EYS: variants seen among roughly 807,000 people sequenced by gnomAD.
EYS encodes the protein protein eyes shut homolog.
A neutral mutation model predicts 282.1 loss-of-function variants in EYS; 250 were observed. The ratio of observed to expected loss-of-function variants is 0.89; its 90% CI spans 0.80 to 0.98. The LOEUF is 0.98. Among genes scored for constraint, EYS ranks in the 50% least tolerant of loss-of-function variants. EYS has a pLI of 0.00. For missense variants in EYS, 4,016 were observed against 3,709.0 expected (o/e 1.08, Z -2.15); for synonymous variants, 1,355 against 1,282.9 (o/e 1.06, Z -1.20).
intron 26 of EYS, among the ~76,000 whole-genome samples, chr6:64,541,499 A>G (rs1486021080): frequency 6.6e-6 from 1 of 152,050 alleles, no homozygotes; most frequent in Non-Finnish European, 1.5e-5. Context: ...GCTCTTAACT[A>G]ATATTTCTGA....
In EYS at chr6:65,652,689, G is replaced by C. The variant is rs145492874; in HGVS notation, c.-447-12797C>G. Among the ~76,000 whole-genome samples the C allele has an allele frequency of 3.0e-3, 455 of 151,994 alleles. 3 individuals carry two copies. Among genetic ancestry groups the C allele is most frequent in the African/African-American group, 0.01 (435 of 41,512 alleles). Reference sequence around the variant, plus strand: ...ATCAGGAATGTAAAGACATACTAGGGAGAATATTGAACTTTCCCCTAAAAT... The same window carrying C: ...ATCAGGAATGTAAAGACATACTAGGCAGAATATTGAACTTTCCCCTAAAAT... On this transcript the variant is annotated intron_variant, in intron 1 of 42. Transcript: ENST00000503581.
intron 15 of EYS, among the ~76,000 whole-genome samples, chr6:64,928,039 A>G (rs1456027559): frequency 6.6e-6 from 1 of 152,070 alleles, no homozygotes; most frequent in Non-Finnish European, 1.5e-5. Flanking sequence ...TGGTAGTTAC[A>G]CAAGTAAGTG....
chr6:64,139,235 G>C (rs1422068269), intron 31 of EYS, among the ~76,000 whole-genome samples: 1 of 152,114 alleles, frequency 6.6e-6, no homozygotes, highest in Non-Finnish European at 1.5e-5. Context: ...CTGAATTCAT[G>C]TTCACCCAAT....
chr6:65,301,833 TCCAGG>T (rs1768844187), intron 11 of EYS, among the ~76,000 whole-genome samples: 1 of 152,214 alleles, frequency 6.6e-6, no homozygotes, highest in Admixed American at 6.5e-5. Context: ...GTTGACATCT[TCCAGG>T]CCATCTCAAG....
intron 35 of EYS, among the ~76,000 whole-genome samples, chr6:63,963,500 C>G (rs1284357351): frequency 2.0e-5 from 3 of 152,140 alleles, no homozygotes; most frequent in Non-Finnish European, 4.4e-5. Context: ...TATGTGGCTT[C>G]AAGAAAGAAT....
chr6:64,523,210 G>T (rs921645751), intron 26 of EYS, among the ~76,000 whole-genome samples: 1 of 151,696 alleles, frequency 6.6e-6, no homozygotes, highest in African/African-American at 2.4e-5. Flanking sequence ...TGTGCTCAGA[G>T]AATTCAAAAT....
intron 11 of EYS, chr6:65,331,400 A>C (rs1450291181): frequency 1.3e-6 from 1 of 781,770 alleles, no homozygotes; most frequent in African/African-American, 1.8e-5. Context: ...AACATTTTGC[A>C]TATCTTTTGA....
chr6:64,412,752 TTAAAGA>T (rs1773942705), intron 28 of EYS: 1 of 152,148 alleles, frequency 6.6e-6, no homozygotes, highest in African/African-American at 2.4e-5. Context: ...CTAGTTCTGT[TTAAAGA>T]TAAAGAATCA....
At chr6:65,512,109 T>C (rs566486385) in intron 2 of EYS, among the ~76,000 whole-genome samples, 2 of 152,188 alleles carry the variant, frequency 1.3e-5, no homozygotes, top group East Asian at 1.9e-4. Flanking sequence ...CAGGTTACCA[T>C]TTCTGTGAAA....
chr6:65,070,247 CTT>C (rs1297578756), intron 12 of EYS, among the ~76,000 whole-genome samples: 1 of 151,944 alleles, frequency 6.6e-6, no homozygotes, highest in Non-Finnish European at 1.5e-5. Context: ...ACTTCTCTCT[CTT>C]GAAACACAAA....
At chr6:64,240,075 G>A (rs926404429) in intron 30 of EYS, among the ~76,000 whole-genome samples, 1 of 152,070 alleles carries the variant, frequency 6.6e-6, no homozygotes, top group Non-Finnish European at 1.5e-5. Context: ...GATGTGTGGT[G>A]TTATTTCTGA....
At chr6:63,979,896 A>C (rs1767009967) in intron 35 of EYS, among the ~76,000 whole-genome samples, 1 of 151,928 alleles carries the variant, frequency 6.6e-6, no homozygotes, top group African/African-American at 2.4e-5. Flanking sequence ...TCAAAGCAGA[A>C]TGACATTTGC....
intron 7 of EYS, among the ~76,000 whole-genome samples, chr6:65,393,612 A>G (rs1019198346): frequency 6.6e-6 from 1 of 152,332 alleles, no homozygotes; most frequent in African/African-American, 2.4e-5. Context: ...GTCACAGTGC[A>G]TACTTAGTTA....
intron 22 of EYS, among the ~76,000 whole-genome samples, chr6:64,686,741 A>C (rs546613449): frequency 1.0e-3 from 59 of 56,806 alleles, no homozygotes; most frequent in African/African-American, 3.1e-3. Flanking sequence ...GATTCCATCT[A>C]AATATATATA....
rs1310289103 is a variant in EYS at position 64,950,832 on chromosome 6, T to TATATATATATAA, written c.2260-4919_2260-4918insTTATATATATAT. Among the ~76,000 whole-genome samples, 198 of 102,952 alleles carry TATATATATATAA rather than the reference T, an allele frequency of 1.9e-3. 2 individuals carry two copies. The highest frequency in any genetic ancestry group is 6.0e-3 in the East Asian group (20 of 3,324). 67.5% of individuals were successfully genotyped at this position (102,952 alleles called of 152,430 possible). A position where few individuals can be genotyped will look rare whatever the true frequency, so the allele number is the denominator to read the frequency against. ...ATATATATATATATATATATATATA[T>TATATATATATAA]ATTGTTGAATTGTTACAAGAACAAC... On this transcript the variant is annotated intron_variant, in intron 14 of 42. Coordinates refer to ENST00000503581, the MANE Select transcript of EYS (RefSeq NM_001142800.2).
intron 22 of EYS, among the ~76,000 whole-genome samples, chr6:64,675,732 A>T (rs1209345647): frequency 6.6e-6 from 1 of 151,694 alleles, no homozygotes; most frequent in Non-Finnish European, 1.5e-5. Flanking sequence ...CTGGCCTGTG[A>T]TTGGAAACTT....
intron 26 of EYS, among the ~76,000 whole-genome samples, chr6:64,552,478 T>C (rs1256920369): frequency 6.6e-6 from 1 of 152,144 alleles, no homozygotes; most frequent in African/African-American, 2.4e-5. Context: ...TTACAATGTC[T>C]TCTCTCCGAA....
chr6:64,530,150 G>C (rs975442979), intron 26 of EYS, among the ~76,000 whole-genome samples: 1 of 151,964 alleles, frequency 6.6e-6, no homozygotes, highest in Non-Finnish European at 1.5e-5. Context: ...TAGTAAAGTG[G>C]CTGCTTCAGT....
intron 37 of EYS, among the ~76,000 whole-genome samples, chr6:63,804,491 A>C (rs796927448): frequency 3.3e-5 from 5 of 152,350 alleles, no homozygotes; most frequent in African/African-American, 1.2e-4. Flanking sequence ...TGTCTACATC[A>C]CCAGTCTCTA....
Sources: gnomAD v4.1 joint callset for allele counts (sites outside exome capture counted in the v4.1 genomes callset) on GRCh38, gnomAD v4.1.1 for gene constraint, MANE v1.5 for transcripts, NCBI Gene and HGNC (gene_info 2026-07-23, HGNC 2026-07-21) for gene names.